Variants in ERCC6L2 observed in about 807,000 individuals in gnomAD.
ERCC6L2 encodes ERCC excision repair 6 like 2.
ERCC6L2 carries 77 observed loss-of-function variants against 132.0 expected under a neutral mutation model. That is an observed-to-expected ratio of 0.58 (90% CI 0.49 to 0.71). The LOEUF (loss-of-function observed/expected upper bound fraction) is 0.71. Ranked by LOEUF, ERCC6L2 falls within the 30% of genes least tolerant of loss-of-function variation. ERCC6L2 has a pLI of 0.00. For synonymous variants in ERCC6L2, 583 were observed against 632.4 expected (o/e 0.92, Z 1.17); for missense variants, 1,542 against 1,837.6 (o/e 0.84, Z 2.94).
chr9:95,957,971 C>T (rs1465909147), intron 13 of ERCC6L2, among the ~76,000 whole-genome samples: 1 of 150,998 alleles, frequency 6.6e-6, no homozygotes, highest in East Asian at 2.0e-4. Context: ...TGGTGTGCTG[C>T]ACCCATTAAC....
chr9:96,030,782 C>G (rs1834447960), intron 19 of ERCC6L2, among the ~76,000 whole-genome samples: 1 of 151,330 alleles, frequency 6.6e-6, no homozygotes, highest in Admixed American at 6.6e-5. Context: ...CCGGAAGGAA[C>G]AAACTCCGGA....
chr9:96,010,359 T>G (rs968911136), intron 18 of ERCC6L2, among the ~76,000 whole-genome samples: 1 of 152,226 alleles, frequency 6.6e-6, no homozygotes, highest in Non-Finnish European at 1.5e-5. Flanking sequence ...AAACACAAAC[T>G]ATGTAACCTG....
At chr9:95,957,486 A>C (rs1831666805) in intron 13 of ERCC6L2, among the ~76,000 whole-genome samples, 1 of 151,876 alleles carries the variant, frequency 6.6e-6, no homozygotes, top group Non-Finnish European at 1.5e-5. Context: ...CCTTGGGAAA[A>C]AGTGGGAAGT....
intron 1 of ERCC6L2, among the ~76,000 whole-genome samples, chr9:95,877,916 T>C (rs1827372990): frequency 6.6e-6 from 1 of 152,218 alleles, no homozygotes; most frequent in Non-Finnish European, 1.5e-5. Flanking sequence ...TACAAACTTT[T>C]CTTGGAAAGG....
At chr9:95,892,756 A>G (rs1376790112) in intron 2 of ERCC6L2, among the ~76,000 whole-genome samples, 1 of 151,956 alleles carries the variant, frequency 6.6e-6, no homozygotes, top group Non-Finnish European at 1.5e-5. Context: ...TGCTAGTTTT[A>G]CCTTCATATA....
At chr9:95,916,839 C>T (rs928539961) in intron 6 of ERCC6L2, among the ~76,000 whole-genome samples, 1 of 151,990 alleles carries the variant, frequency 6.6e-6, no homozygotes. Context: ...TGCACCACCA[C>T]GCCTGGCTAA....
At chr9:95,968,228 G>GTGTTTATT (rs1832253398) in intron 14 of ERCC6L2, 5 of 152,076 alleles carry the variant, frequency 3.3e-5, no homozygotes, top group Non-Finnish European at 7.4e-5. Context: ...TTAATGACAG[G>GTGTTTATT]ACCATCCATG....
chr9:95,893,576 G>A (rs1828282846), intron 2 of ERCC6L2, among the ~76,000 whole-genome samples: 1 of 152,086 alleles, frequency 6.6e-6, no homozygotes, highest in Non-Finnish European at 1.5e-5. Flanking sequence ...GAAACTATCT[G>A]GCCCTTAACT....
chr9:96,036,769 A>AT lies in ERCC6L2; in HGVS notation c.*1504-2104dup, dbSNP rs780544626. Reference sequence around the variant, plus strand: ...TATTATTATTATTATTATTATTTTTATTTATTTTTTTTTTTGAGACGGAGT... The same window carrying AT: ...TATTATTATTATTATTATTATTTTTATTTTATTTTTTTTTTTGAGACGGAGT... On this transcript the variant is annotated intron_variant and NMD_transcript_variant, in intron 19 of 20. Coordinates refer to the ERCC6L2 transcript ENST00000670016. 6.8e-3 allele frequency among the ~76,000 whole-genome samples: 815 copies of AT among 119,920 alleles called. 5 individuals are homozygous for AT. The highest frequency in any genetic ancestry group is 0.023 in the African/African-American group (710 of 31,452). The allele number at this position is 119,920 out of a possible 152,430, so 78.7% of individuals were successfully genotyped here. A position where few individuals can be genotyped will look rare whatever the true frequency, so the allele number is the denominator to read the frequency against.
chr9:95,875,999 G>A lies in ERCC6L2; in HGVS notation c.-40G>A. 1 of 1,567,754 alleles carries A rather than the reference G, an allele frequency of 6.4e-7. No individual in the cohort carries two copies. ...CTTGCTGTCCTCCGCCGCCTTCCGG[G>A]TGTTACATGCAGCCGGGCTCGGCCC... On this transcript the variant is annotated 5_prime_UTR_variant, in exon 1 of 19. It adds an upstream start codon to the 5' untranslated region. Coordinates refer to ENST00000653738, the MANE Select transcript of ERCC6L2 (RefSeq NM_020207.7).
rs1472318634 is a variant in ERCC6L2, at chr9:95,972,856, TCA to T, written c.3106_3107del (p.Gln1036ValfsTer3). 13 of 1,304,988 alleles carry T rather than the reference TCA, an allele frequency of 1.0e-5. No individual in the cohort carries two copies. Among genetic ancestry groups the T allele is most frequent in the African/African-American group, 1.5e-5 (1 of 65,826 alleles). The allele number at this position is 1,304,988 out of a possible 1,614,324, so 80.8% of individuals were successfully genotyped here. On this transcript the variant is annotated frameshift_variant, in exon 16 of 19. Transcript: ENST00000653738. LOFTEE classifies it high-confidence loss of function. ...VYAANEDHNSQFIDDYSSSDE... is the reference protein window; with the variant it reads ...VYAANEDHNSXFIDDYSSSDE... ...ATGCAGCAAATGAGGATCATAACTC[TCA>T]GTTTATTGATGATTATTCATCCTCA...
At chr9:96,038,685 G>A (rs1212769966) in intron 19 of ERCC6L2, among the ~76,000 whole-genome samples, 1 of 152,240 alleles carries the variant, frequency 6.6e-6, no homozygotes, top group African/African-American at 2.4e-5. Flanking sequence ...AAAGAAGGGT[G>A]ACTGCTGTCA....
chr9:95,978,281 A>G (rs1349966291), intron 17 of ERCC6L2, 66 bp downstream of exon 17: 61 of 1,116,318 alleles, frequency 5.5e-5, no homozygotes, highest in Non-Finnish European at 6.8e-5. Context: ...ACTCAATAGG[A>G]TCTTCTCTAA....
intron 12 of ERCC6L2, among the ~76,000 whole-genome samples, chr9:95,952,697 A>C (rs1437200842): frequency 6.6e-6 from 1 of 152,112 alleles, no homozygotes; most frequent in Non-Finnish European, 1.5e-5. Context: ...ATTAGCCAGC[A>C]TGGTGGTACA....
intron 19 of ERCC6L2, chr9:96,027,897 C>G (rs1046596677): frequency 6.6e-6 from 1 of 152,382 alleles, no homozygotes; most frequent in Non-Finnish European, 1.5e-5. Context: ...ATGCAGAGCC[C>G]CGTCCCCGCA....
chr9:96,024,275 C>G (rs1442873764), intron 19 of ERCC6L2, among the ~76,000 whole-genome samples: 1 of 152,236 alleles, frequency 6.6e-6, no homozygotes, highest in Non-Finnish European at 1.5e-5. Flanking sequence ...CACCCTTTAG[C>G]AGAGGTGCTG....
chr9:96,027,168 ACACACACACAC>A (rs1834388943), intron 19 of ERCC6L2, among the ~76,000 whole-genome samples: 1 of 142,312 alleles, frequency 7.0e-6, no homozygotes, highest in East Asian at 2.1e-4. Context: ...ACCACACCAC[ACACACACACAC>A]CACACACCAC....
At chr9:95,903,075 G>A (rs958630397) in intron 3 of ERCC6L2, among the ~76,000 whole-genome samples, 15 of 151,930 alleles carry the variant, frequency 9.9e-5, no homozygotes, top group Non-Finnish European at 7.4e-5. Context: ...TTCATTCATG[G>A]TTCTTTTATA....
At chr9:95,976,011 C>T (rs1268107474) in intron 16 of ERCC6L2, among the ~76,000 whole-genome samples, 2 of 152,076 alleles carry the variant, frequency 1.3e-5, no homozygotes, top group African/African-American at 4.8e-5. Flanking sequence ...AGGGATATTA[C>T]TCTGCTTGTT....
Sources: allele counts gnomAD v4.1 joint callset (sites outside exome capture counted in the v4.1 genomes callset), GRCh38; gene constraint gnomAD v4.1.1; transcripts MANE v1.5; gene names NCBI Gene and HGNC (gene_info 2026-07-23, HGNC 2026-07-21).